VRK2: variants seen among roughly 807,000 people sequenced by gnomAD.
VRK2 encodes VRK serine/threonine kinase 2.
VRK2 carries 60 observed loss-of-function variants against 57.6 expected under a neutral mutation model. The observed-to-expected ratio is 1.04, with a 90% CI of 0.85 to 1.29. The LOEUF is 1.29. VRK2 is among the 50% of genes most tolerant of loss of function. VRK2 has a pLI of 0.00. For missense variants in VRK2, 705 were observed against 588.1 expected (o/e 1.20, Z -2.06); for synonymous variants, 231 against 199.2 (o/e 1.16, Z -1.35).
intron 1 of VRK2, among the ~76,000 whole-genome samples, chr2:57,988,378 C>G (rs1672664328): frequency 6.6e-6 from 1 of 152,124 alleles, no homozygotes; most frequent in South Asian, 2.1e-4. Context: ...TGAATTTGAG[C>G]TCTGTGATGG....
intron 1 of VRK2, among the ~76,000 whole-genome samples, chr2:57,990,972 C>G (rs1672747630): frequency 6.6e-6 from 1 of 151,816 alleles, no homozygotes; most frequent in African/African-American, 2.4e-5. Context: ...TATGAATTCC[C>G]ATGTCCATAG....
At chr2:58,148,942 T>A (rs1408444581) in intron 12 of VRK2, among the ~76,000 whole-genome samples, 1 of 151,846 alleles carries the variant, frequency 6.6e-6, no homozygotes, top group Non-Finnish European at 1.5e-5. Context: ...TTTAATCCTT[T>A]TATTTTCTTT....
intron 2 of VRK2, among the ~76,000 whole-genome samples, chr2:58,032,673 T>C (rs960088069): frequency 2.6e-5 from 4 of 152,144 alleles, no homozygotes; most frequent in Non-Finnish European, 4.4e-5. Context: ...CTAGGCTTTG[T>C]TCCAGTCTCC....
At chr2:58,134,477 G>A (rs370284228) in intron 9 of VRK2, among the ~76,000 whole-genome samples, 31 of 151,846 alleles carry the variant, frequency 2.0e-4, no homozygotes, top group Admixed American at 6.6e-4. Flanking sequence ...CGGGCGCGGT[G>A]GCGGGCGCCT....
chr2:58,023,934 C>T (rs570927285), intron 1 of VRK2, among the ~76,000 whole-genome samples: 2 of 151,420 alleles, frequency 1.3e-5, no homozygotes, highest in African/African-American at 4.8e-5. Context: ...AGTTTGTAAT[C>T]ACACAATTGA....
intron 3 of VRK2, among the ~76,000 whole-genome samples, chr2:58,034,393 C>T (rs943500253): frequency 3.9e-5 from 6 of 151,980 alleles, no homozygotes; most frequent in African/African-American, 1.4e-4. Flanking sequence ...TCTTTCAGGT[C>T]TTATTTCAAG....
At chr2:58,017,077 G>T (rs1482791444) in intron 1 of VRK2, among the ~76,000 whole-genome samples, 1 of 152,090 alleles carries the variant, frequency 6.6e-6, no homozygotes, top group Non-Finnish European at 1.5e-5. Flanking sequence ...GTCCCAAGTG[G>T]CTGCAGTGAG....
intron 2 of VRK2, among the ~76,000 whole-genome samples, chr2:58,026,415 GAA>G (rs1052528870): frequency 6.6e-6 from 1 of 152,060 alleles, no homozygotes; most frequent in Non-Finnish European, 1.5e-5. Context: ...GTTTAACTAA[GAA>G]AAGTTAATAT....
chr2:57,955,127 G>A (rs554567750), intron 1 of VRK2, among the ~76,000 whole-genome samples: 40 of 152,070 alleles, frequency 2.6e-4, no homozygotes, highest in Admixed American at 1.2e-3. Context: ...AAGAAATGAA[G>A]AGCATTGTTT....
chr2:58,101,542 C>T (rs1163152391), intron 7 of VRK2, among the ~76,000 whole-genome samples: 1 of 151,732 alleles, frequency 6.6e-6, no homozygotes, highest in Non-Finnish European at 1.5e-5. Context: ...TATAGAAATA[C>T]AGATTAATTA....
At chr2:58,028,893 T>C (rs1241904258) in intron 2 of VRK2, among the ~76,000 whole-genome samples, 7 of 55,912 alleles carry the variant, frequency 1.3e-4, no homozygotes, top group Non-Finnish European at 2.3e-4. Flanking sequence ...AATAAATAAA[T>C]AAATAAATAA....
At chr2:58,052,860 A>G (rs561874373) in intron 2 of VRK2, among the ~76,000 whole-genome samples, 182 of 152,332 alleles carry the variant, frequency 1.2e-3, no homozygotes, top group Middle Eastern at 3.4e-3. Context: ...TATTAAAGCT[A>G]TTGGTTTCAG....
chr2:57,972,252 G>GTTTA (rs898632538), intron 1 of VRK2, among the ~76,000 whole-genome samples: 6 of 151,300 alleles, frequency 4.0e-5, no homozygotes, highest in African/African-American at 1.2e-4. Context: ...TTGTTTGTTT[G>GTTTA]TTTGTTTCAT....
At chr2:58,154,723 A>C (rs1205268510) in intron 12 of VRK2, 34 of 716,752 alleles carry the variant, frequency 4.7e-5, no homozygotes, top group Non-Finnish European at 6.0e-5. Context: ...CTTCATCTTG[A>C]TCTTGGTGTA....
At chr2:57,924,071 T>C (rs947365779) in intron 1 of VRK2, among the ~76,000 whole-genome samples, 3 of 151,858 alleles carry the variant, frequency 2.0e-5, no homozygotes, top group Admixed American at 1.3e-4. Context: ...TCTTCCGTTC[T>C]TCTGATCTCT....
chr2:58,097,427 CTATT>C (rs1445377867), intron 7 of VRK2, among the ~76,000 whole-genome samples: 5 of 151,734 alleles, frequency 3.3e-5, no homozygotes, highest in Non-Finnish European at 5.9e-5. Flanking sequence ...GGGAGAGGGA[CTATT>C]TATGAAAGTT....
chr2:58,146,273 C>A, intron 11 of VRK2, 43 bp from the exon 12 acceptor site: 2 of 1,496,622 alleles, frequency 1.3e-6, no homozygotes, highest in Admixed American at 2.2e-5. Flanking sequence ...AGAGAAATAC[C>A]AAAAGTTTTC....
intron 1 of VRK2, among the ~76,000 whole-genome samples, chr2:57,943,040 A>G (rs1671149905): frequency 6.6e-6 from 1 of 152,244 alleles, no homozygotes; most frequent in South Asian, 2.1e-4. Flanking sequence ...ATAAGCAATT[A>G]AAATCCACAG....
chr2:57,969,173 A>G (rs1383254563), intron 1 of VRK2, among the ~76,000 whole-genome samples: 1 of 152,064 alleles, frequency 6.6e-6, no homozygotes, highest in East Asian at 1.9e-4. Flanking sequence ...ATAAAGCAAT[A>G]CTTGTTAAAA....
Sources: gnomAD v4.1 joint callset for allele counts (sites outside exome capture counted in the v4.1 genomes callset) on GRCh38, gnomAD v4.1.1 for gene constraint, MANE v1.5 for transcripts, NCBI Gene and HGNC (gene_info 2026-07-23, HGNC 2026-07-21) for gene names.